Variants in PEX14 observed in about 807,000 individuals in gnomAD.
PEX14 encodes peroxisomal biogenesis factor 14, also known as peroxisomal membrane protein PEX14.
A neutral mutation model predicts 49.5 loss-of-function variants in PEX14; 15 were observed. The ratio of observed to expected loss-of-function variants is 0.30; its 90% confidence interval spans 0.20 to 0.47. PEX14 has a LOEUF of 0.47. PEX14 is among the 20% of genes least tolerant of loss of function. PEX14 has a pLI of 1.00. For missense variants in PEX14, 398 were observed against 494.8 expected (o/e 0.80, Z 1.86); for synonymous variants, 210 against 212.7 (o/e 0.99, Z 0.11).
chr1:10,605,155 T>C (rs538652873), intron 4 of PEX14, among the ~76,000 whole-genome samples: 1 of 152,176 alleles, frequency 6.6e-6, no homozygotes, highest in South Asian at 2.1e-4. Flanking sequence ...GCAGGTGTTC[T>C]AGAAATGCTT....
chr1:10,496,148 G>A (rs955475419), intron 2 of PEX14, among the ~76,000 whole-genome samples: 5 of 152,174 alleles, frequency 3.3e-5, no homozygotes, highest in Non-Finnish European at 7.3e-5. Context: ...GGGACTTAGC[G>A]GGTATGAACA....
Position 10,628,786 on chromosome 1 carries a change from G to T in PEX14, c.678-745G>T, listed in dbSNP as rs986668573. On this transcript the variant is annotated intron_variant, in intron 8 of 8. Coordinates refer to ENST00000356607, the MANE Select transcript of PEX14 (RefSeq NM_004565.3). This position sits in a 1 kb window ranked among gnomAD's most constrained non-coding sequence, Gnocchi z 4.5. ...GGCCCCTGCTGGGGGACAGCCCTGC[G>T]GGCAGGGCTTTGTCCTCTTGGCTCA... 6.6e-6 allele frequency among the ~76,000 whole-genome samples: 1 copy of T among 152,218 alleles called. No homozygotes were observed. The highest frequency in any genetic ancestry group is 2.4e-5 in the African/African-American group (1 of 41,464).
intron 1 of PEX14, among the ~76,000 whole-genome samples, chr1:10,484,532 G>A (rs1311786511): frequency 6.6e-6 from 1 of 151,780 alleles, no homozygotes; most frequent in African/African-American, 2.4e-5. Context: ...ATCTCAATTT[G>A]TTGATCTGTT....
In PEX14 at chr1:10,495,921, G is replaced by A. The variant is rs998604649; in HGVS notation, c.84+600G>A. ...TCTTTTTTGCTTTTCAGGGCCTGCT[G>A]TAAGTCCTCTTGGCTGGGTAGTAAG... On this transcript the variant is annotated intron_variant, in intron 2 of 8. Transcript: ENST00000356607. The surrounding 1 kb of genome is among the most constrained non-coding windows in gnomAD (Gnocchi z 4.2). Among the ~76,000 whole-genome samples, 3 of 152,198 alleles carry A rather than the reference G, an allele frequency of 2.0e-5. No individual in the cohort carries two copies. The highest frequency in any genetic ancestry group is 7.2e-5 in the African/African-American group (3 of 41,450).
At chr1:10,556,526 G>T (rs950494114) in intron 3 of PEX14, among the ~76,000 whole-genome samples, 7 of 152,290 alleles carry the variant, frequency 4.6e-5, no homozygotes, top group African/African-American at 1.7e-4. Flanking sequence ...AGGGCCAGAG[G>T]CAGTCGGTGT....
chr1:10,554,184 G>T (rs1639418011), intron 3 of PEX14, among the ~76,000 whole-genome samples: 1 of 150,236 alleles, frequency 6.7e-6, no homozygotes, highest in Non-Finnish European at 1.5e-5. Context: ...GGCACCTGCA[G>T]TCCCAGCTAC....
chr1:10,544,950 A>G (rs1438843840), intron 3 of PEX14, among the ~76,000 whole-genome samples: 1 of 152,002 alleles, frequency 6.6e-6, no homozygotes, highest in African/African-American at 2.4e-5. Flanking sequence ...TTTTGGGGAG[A>G]TAGGGTTTCA....
Position 10,630,238 on chromosome 1 carries a change from A to C in PEX14, c.*251A>C. On this transcript the variant is annotated 3_prime_UTR_variant, in exon 9 of 9. Transcript: ENST00000356607. This position sits in a 1 kb window ranked among gnomAD's most constrained non-coding sequence, Gnocchi z 4.1. ...CCCAGCTGCCTTTGGCTTTGATCTC[A>C]AGTCAGGCTGAAGGCAGCGAAGCCT... 4 of 600,908 alleles carry C rather than the reference A, an allele frequency of 6.7e-6. No homozygotes were observed. The highest frequency in any genetic ancestry group is 2.1e-5 in the South Asian group (1 of 47,294). The allele number at this position is 600,908 out of a possible 1,614,324, so 37.2% of individuals were successfully genotyped here.
Position 10,623,088 on chromosome 1 carries a change from C to T in PEX14, c.454C>T (p.Leu152Phe), listed in dbSNP as rs527717912. The change falls in exon 6 of 9, where the codon CTC (leucine) becomes TTC (phenylalanine). Residue 152 changes from leucine to phenylalanine, a missense_variant. Leu to Phe is a conservative substitution (Grantham distance 22). Transcript: ENST00000356607. This position sits in a 1 kb window ranked among gnomAD's most constrained non-coding sequence, Gnocchi z 4.4. ...RKQLERMEAG[L>F]SELSGSVAQT... ...GCAGCTGGAGAGGATGGAGGCCGGT[C>T]TCTCTGAGCTGAGTGGCAGCGTGGC... 5 of 1,613,832 alleles carry T rather than the reference C, an allele frequency of 3.1e-6. No individual in the cohort carries two copies. In the South Asian group the frequency reaches 5.5e-5, roughly 18 times the overall value.
At chr1:10,480,303 C>A (rs1641260498) in intron 1 of PEX14, among the ~76,000 whole-genome samples, 1 of 150,838 alleles carries the variant, frequency 6.6e-6, no homozygotes, top group South Asian at 2.1e-4. Flanking sequence ...CTCAGCCTCC[C>A]AGGTTCAAGC....
In PEX14 at chr1:10,628,023, C is replaced by T. The variant is rs574626880; in HGVS notation, c.677+660C>T. On this transcript the variant is annotated intron_variant, in intron 8 of 8. Transcript: ENST00000356607. This position sits in a 1 kb window ranked among gnomAD's most constrained non-coding sequence, Gnocchi z 4.5. ...CGATCTCGGCTCACTGCAACCTCTG[C>T]CTCCCGGGTTCACGCCATTCTCCTG... 8.2e-4 allele frequency among the ~76,000 whole-genome samples: 125 copies of T among 152,304 alleles called. 3 individuals are homozygous for T. In the South Asian group the frequency reaches 0.022, roughly 27 times the overall value.
chr1:10,496,459 G>T (rs548805506), intron 2 of PEX14, among the ~76,000 whole-genome samples: 3 of 152,126 alleles, frequency 2.0e-5, no homozygotes, highest in Non-Finnish European at 4.4e-5. Flanking sequence ...TGCTTCCCTG[G>T]GGCCTGCCTC....
chr1:10,536,802 T>G (rs528705110), intron 3 of PEX14, among the ~76,000 whole-genome samples: 1 of 152,330 alleles, frequency 6.6e-6, no homozygotes, highest in Admixed American at 6.5e-5. Flanking sequence ...GGTATTTCTG[T>G]AAACAGGGAT....
At chr1:10,499,594 A>G (rs1641631906) in intron 2 of PEX14, among the ~76,000 whole-genome samples, 1 of 151,782 alleles carries the variant, frequency 6.6e-6, no homozygotes, top group African/African-American at 2.4e-5. Context: ...GATTACAGGT[A>G]CGCGCCGCCA....
chr1:10,499,757 AT>A (rs958432973), intron 2 of PEX14, among the ~76,000 whole-genome samples: 1 of 151,806 alleles, frequency 6.6e-6, no homozygotes, highest in African/African-American at 2.4e-5. Context: ...CCAAACTACA[AT>A]TTTTTCTGTA....
Position 10,536,218 on chromosome 1 carries a change from C to G in PEX14, c.90C>G (p.Ala30=). 6.2e-7 allele frequency: 1 copy of G among 1,602,032 alleles called. No homozygotes were observed. The highest frequency in any genetic ancestry group is 1.1e-5 in the South Asian group (1 of 90,836). The change falls in exon 3 of 9, where the codon GCC becomes GCG. Residue 30 remains alanine (A), a synonymous_variant. Transcript: ENST00000356607. ...ENVLPREPLI[A]TAVKFLQNSR... is the part of the protein sequence containing the mutation. ...TATTTTCTCTCTCTCACCAGATTGC[C>G]ACGGCAGTGAAGTTTCTACAGAATT...
chr1:10,526,119 A>G (rs1557827275), intron 2 of PEX14, among the ~76,000 whole-genome samples: 1 of 148,006 alleles, frequency 6.8e-6, no homozygotes, highest in African/African-American at 2.5e-5. Flanking sequence ...GACGGGTTTC[A>G]CCGTGTTAGC....
At chr1:10,618,897 G>A (rs1215538553) in intron 5 of PEX14, among the ~76,000 whole-genome samples, 1 of 152,240 alleles carries the variant, frequency 6.6e-6, no homozygotes, top group Non-Finnish European at 1.5e-5. Context: ...AGGTTGTCGT[G>A]AAGTCCGGAA....
chr1:10,599,576 G>T (rs1289522931), intron 4 of PEX14, among the ~76,000 whole-genome samples: 2 of 152,212 alleles, frequency 1.3e-5, no homozygotes, highest in African/African-American at 4.8e-5. Flanking sequence ...AGAGACAAGG[G>T]ATCAGAATAA....
Sources: gnomAD v4.1 joint callset for allele counts (sites outside exome capture counted in the v4.1 genomes callset) on GRCh38, gnomAD v4.1.1 for gene constraint, Gnocchi (gnomAD v3.1) non-coding constraint, MANE v1.5 for transcripts, NCBI Gene and HGNC (gene_info 2026-07-23, HGNC 2026-07-21) for gene names.